The following PPARD variants were observed in gnomAD, a reference collection of about 807,000 sequenced individuals.
PPARD encodes the protein peroxisome proliferator-activated receptor delta.
A neutral mutation model predicts 39.5 loss-of-function variants in PPARD; 6 were observed. The observed-to-expected ratio is 0.15, with a 90% CI of 0.08 to 0.30. The LOEUF is 0.30. PPARD is among the 10% of genes least tolerant of loss of function. The pLI is 1.00. For missense variants in PPARD, 397 were observed against 596.8 expected, an observed-to-expected ratio of 0.67 and a Z score of 3.49; for synonymous variants, 210 against 231.3, an observed-to-expected ratio of 0.91 and a Z score of 0.83.
intron 2 of PPARD, among the ~76,000 whole-genome samples, chr6:35,399,822 G>A (rs1764583705): frequency 6.6e-6 from 1 of 152,088 alleles, no homozygotes; most frequent in African/African-American, 2.4e-5. Context: ...TTTCACTTAT[G>A]TTATTAAATA....
intron 2 of PPARD, among the ~76,000 whole-genome samples, chr6:35,392,115 C>T (rs1764042522): frequency 6.6e-6 from 1 of 152,054 alleles, no homozygotes; most frequent in African/African-American, 2.4e-5. Flanking sequence ...TTGGGGAACC[C>T]TGGCACCAAC....
At chr6:35,394,777 C>G (rs1259691473) in intron 2 of PPARD, among the ~76,000 whole-genome samples, 1 of 150,104 alleles carries the variant, frequency 6.7e-6, no homozygotes. Flanking sequence ...TCTCCCCGCC[C>G]CCCCCACCAA....
At chr6:35,399,355 G>A (rs528078964) in intron 2 of PPARD, among the ~76,000 whole-genome samples, 1 of 142,216 alleles carries the variant, frequency 7.0e-6, no homozygotes, top group South Asian at 2.2e-4. Context: ...AGCTGAGATC[G>A]TGCCACTATA....
At chr6:35,387,114 A>G (rs534585687) in intron 2 of PPARD, among the ~76,000 whole-genome samples, 2 of 152,204 alleles carry the variant, frequency 1.3e-5, no homozygotes, top group Non-Finnish European at 2.9e-5. Context: ...CTTTGGCCCT[A>G]GGCTCTGAGC....
chr6:35,362,211 T>C (rs1026121658), intron 2 of PPARD, among the ~76,000 whole-genome samples: 22 of 152,290 alleles, frequency 1.4e-4, no homozygotes, highest in Admixed American at 2.6e-4. Context: ...CCTTTCCCAT[T>C]TTTCAGGTGG....
intron 2 of PPARD, among the ~76,000 whole-genome samples, chr6:35,355,167 T>A (rs113582213): frequency 0.021 from 3,198 of 151,978 alleles, 68 homozygotes; most frequent in African/African-American, 0.052. Flanking sequence ...TTCAGGGGAG[T>A]GCGTTGCAGC....
intron 2 of PPARD, among the ~76,000 whole-genome samples, chr6:35,397,053 C>G (rs1366537886): frequency 6.6e-6 from 1 of 152,166 alleles, no homozygotes; most frequent in African/African-American, 2.4e-5. Context: ...CCTCAGGACT[C>G]AGCTGCCCTT....
At chr6:35,386,696 G>A (rs1302472149) in intron 2 of PPARD, among the ~76,000 whole-genome samples, 1 of 152,068 alleles carries the variant, frequency 6.6e-6, no homozygotes, top group African/African-American at 2.4e-5. Flanking sequence ...TGATAACCCT[G>A]AAGATGAACT....
intron 2 of PPARD, 34 bp downstream of exon 2, chr6:35,347,184 C>T: frequency 6.5e-7 from 1 of 1,534,196 alleles, no homozygotes; most frequent in Non-Finnish European, 8.7e-7. Flanking sequence ...GGGTCTCTGA[C>T]CACCACTGAC....
At chr6:35,359,636 C>T (rs990546424) in intron 2 of PPARD, among the ~76,000 whole-genome samples, 1 of 152,174 alleles carries the variant, frequency 6.6e-6, no homozygotes, top group East Asian at 1.9e-4. Context: ...ACTCCCACAG[C>T]TGACTTCTAT....
At chr6:35,384,220 G>T (rs1581591906) in intron 2 of PPARD, among the ~76,000 whole-genome samples, 4 of 139,102 alleles carry the variant, frequency 2.9e-5, no homozygotes, top group South Asian at 2.3e-4. Context: ...AGGTGGGGGG[G>T]TCAGCCCCCC....
intron 2 of PPARD, among the ~76,000 whole-genome samples, chr6:35,357,583 C>G (rs572836755): frequency 8.6e-5 from 13 of 151,450 alleles, no homozygotes; most frequent in African/African-American, 3.2e-4. Flanking sequence ...GTGCCCCAGG[C>G]TGGAGCGCAG....
At chr6:35,379,253 G>A (rs1179528879) in intron 2 of PPARD, among the ~76,000 whole-genome samples, 4 of 151,904 alleles carry the variant, frequency 2.6e-5, no homozygotes, top group African/African-American at 4.8e-5. Flanking sequence ...ACAGGCATCC[G>A]CCACCACGCT....
chr6:35,380,638 C>A (rs1763106107), intron 2 of PPARD, among the ~76,000 whole-genome samples: 1 of 151,870 alleles, frequency 6.6e-6, no homozygotes. Flanking sequence ...ACTACAGGCA[C>A]ATGCACCACA....
chr6:35,417,093 T>G (rs1193936399), intron 3 of PPARD, among the ~76,000 whole-genome samples: 2 of 152,154 alleles, frequency 1.3e-5, no homozygotes, highest in African/African-American at 4.8e-5. Context: ...TCTTCCCACA[T>G]TCAGGCAATC....
chr6:35,405,218 C>T (rs1027912555), intron 2 of PPARD, among the ~76,000 whole-genome samples: 2 of 151,634 alleles, frequency 1.3e-5, no homozygotes, highest in Non-Finnish European at 2.9e-5. Context: ...CCACCACACC[C>T]GGATAACCAG....
At chr6:35,397,883 A>G (rs1190489641) in intron 2 of PPARD, among the ~76,000 whole-genome samples, 1 of 152,176 alleles carries the variant, frequency 6.6e-6, no homozygotes, top group African/African-American at 2.4e-5. Flanking sequence ...CACATTTGAG[A>G]AAGGACCTGA....
intron 2 of PPARD, among the ~76,000 whole-genome samples, chr6:35,354,328 C>T (rs1263820170): frequency 7.6e-6 from 1 of 131,278 alleles, no homozygotes; most frequent in African/African-American, 2.9e-5. Context: ...TTTGAGATGG[C>T]GTCTCACTCT....
intron 2 of PPARD, among the ~76,000 whole-genome samples, chr6:35,396,625 CAG>C (rs1438555709): frequency 1.3e-5 from 2 of 149,320 alleles, no homozygotes; most frequent in African/African-American, 4.9e-5. Context: ...GGTCAGGAGA[CAG>C]AGACCATCCT....
Sources: gnomAD v4.1 joint callset for allele counts (sites outside exome capture counted in the v4.1 genomes callset) on GRCh38, gnomAD v4.1.1 for gene constraint, MANE v1.5 for transcripts, NCBI Gene and HGNC (gene_info 2026-07-23, HGNC 2026-07-21) for gene names.